Variants in FBLN1 observed in about 807,000 individuals in gnomAD.
FBLN1 encodes the protein fibulin-1.
In FBLN1, 34 loss-of-function variants were observed where a neutral mutation model predicts 89.7. The ratio of observed to expected loss-of-function variants is 0.38; its 90% CI spans 0.29 to 0.50. The LOEUF is 0.50. Among genes scored for constraint, FBLN1 ranks in the 20% least tolerant of loss-of-function variants. The pLI is 0.92. For missense variants in FBLN1, 777 were observed against 988.1 expected (o/e 0.79, Z 2.86); for synonymous variants, 393 against 391.3 (o/e 1.00, Z -0.05).
rs1372793697 is a variant in FBLN1, at chr22:45,561,269, C to T, written c.1697+10654C>T. On this transcript the variant is annotated intron_variant, in intron 14 of 16. Coordinates refer to ENST00000327858, the MANE Select transcript of FBLN1 (RefSeq NM_006486.3). This position sits in a 1 kb window ranked among gnomAD's most constrained non-coding sequence, Gnocchi z 4.7. ...AGCTCTTCCTCTACAGGAGATAAGA[C>T]TCTCACTCAGGGCAATCTTAGCAGA... Among the ~76,000 whole-genome samples, 5 of 152,196 alleles carry T rather than the reference C, an allele frequency of 3.3e-5. No homozygotes were observed. Among genetic ancestry groups the T allele is most frequent in the African/African-American group, 7.2e-5 (3 of 41,452 alleles).
In FBLN1 at chr22:45,544,027, C is replaced by T. The variant is rs547641298; in HGVS notation, c.1321+501C>T. On this transcript the variant is annotated intron_variant, in intron 11 of 16. Coordinates refer to ENST00000327858, the MANE Select transcript of FBLN1 (RefSeq NM_006486.3). ...AAAAGGAGGGAGGCTTTGTAAATGA[C>T]GAGCTGTGAGAGGAAGTACTGAGGC... Among the ~76,000 whole-genome samples, 10 of 152,000 alleles carry T rather than the reference C, an allele frequency of 6.6e-5. No homozygotes were observed. In the South Asian group the frequency reaches 8.3e-4, roughly 13 times the overall value.
At chr22:45,592,365 C>T (rs923271385) in intron 16 of FBLN1, among the ~76,000 whole-genome samples, 5 of 152,168 alleles carry the variant, frequency 3.3e-5, no homozygotes, top group African/African-American at 9.7e-5. Flanking sequence ...CTCGCTCAGT[C>T]ACCCAGGCTG....
rs1684324648 is a variant in FBLN1 at position 45,557,014 on chromosome 22, C to T, written c.1697+6399C>T. Among the ~76,000 whole-genome samples the T allele has an allele frequency of 6.6e-6, 1 of 152,170 alleles. No individual in the cohort carries two copies. Among genetic ancestry groups the T allele is most frequent in the South Asian group, 2.1e-4 (1 of 4,830 alleles). The stretch of plus-strand genomic sequence containing the variant: ...AGAGCATACATGGCCTTCTGTAGAA[C>T]TTTGTCCCAGCCCTGCAAAGTACTG... On this transcript the variant is annotated intron_variant, in intron 14 of 16. Transcript: ENST00000327858. The surrounding 1 kb of genome is among the most constrained non-coding windows in gnomAD (Gnocchi z 4.9).
intron 16 of FBLN1, among the ~76,000 whole-genome samples, chr22:45,584,206 C>T (rs183832385): frequency 2.0e-5 from 3 of 152,274 alleles, no homozygotes; most frequent in African/African-American, 7.2e-5. Flanking sequence ...GGCACAACAC[C>T]CAGGCTTTTC....
chr22:45,511,066 C>A (rs1190126951), intron 1 of FBLN1, among the ~76,000 whole-genome samples: 1 of 152,054 alleles, frequency 6.6e-6, no homozygotes, highest in African/African-American at 2.4e-5. Flanking sequence ...GATAACTTTT[C>A]CTTTTGTTTA....
intron 1 of FBLN1, among the ~76,000 whole-genome samples, chr22:45,513,576 T>C (rs926208219): frequency 4.0e-5 from 6 of 150,540 alleles, no homozygotes; most frequent in African/African-American, 1.5e-4. Context: ...TATTGTACAA[T>C]CATCACCACC....
In FBLN1 at chr22:45,568,523, A is replaced by G. The variant is rs201577617; in HGVS notation, c.1698-5988A>G. Among the ~76,000 whole-genome samples the G allele has an allele frequency of 4.6e-3, 538 of 118,200 alleles. 1 individual carries two copies. The highest frequency in any genetic ancestry group is 0.017 in the African/African-American group (361 of 21,062). 77.5% of individuals were successfully genotyped at this position (118,200 alleles called of 152,430 possible). ...AGGGGAGTGCTCCTTCTGTAGGGGA[A>G]TGCCTCTTCTGTAGGGGAATGCTCC... On this transcript the variant is annotated intron_variant, in intron 14 of 16. Transcript: ENST00000327858.
At chr22:45,541,100 G>A in intron 8 of FBLN1, 129 bp from the exon 9 acceptor site, 2 of 1,200,314 alleles carry the variant, frequency 1.7e-6, no homozygotes, top group South Asian at 1.2e-5. Context: ...TCCAGAGTGA[G>A]GGGGTTGAGC....
intron 2 of FBLN1, chr22:45,523,261 A>AG (rs2088275408): frequency 1.4e-6 from 1 of 708,084 alleles, no homozygotes; most frequent in African/African-American, 1.7e-5. Context: ...GGCCAGTCCC[A>AG]GGGAGGAAGC....
rs10648791 is a variant in FBLN1, at chr22:45,555,272, AAT to A, written c.1697+4675_1697+4676del. On this transcript the variant is annotated intron_variant, in intron 14 of 16. Coordinates refer to ENST00000327858, the MANE Select transcript of FBLN1 (RefSeq NM_006486.3). ...ACATATATATATATATATAAAATGG[AAT>A]ATATATATATATATATAAAATGGAA... 2.7e-3 allele frequency among the ~76,000 whole-genome samples: 121 copies of A among 44,570 alleles called. No homozygotes were observed. The East Asian group carries it at 0.03, about 11-fold the overall frequency. The allele number at this position is 44,570 out of a possible 152,430, so 29.2% of individuals were successfully genotyped here.
chr22:45,508,607 G>A (rs573307084), intron 1 of FBLN1, among the ~76,000 whole-genome samples: 4 of 152,156 alleles, frequency 2.6e-5, no homozygotes, highest in Admixed American at 2.0e-4. Flanking sequence ...TCTAGTTCAG[G>A]GGGGGATGCC....
At position 45,556,447 on chromosome 22, in the gene FBLN1, GT is replaced by G. The variant is rs61208738; in HGVS notation, c.1697+5844del. Among the ~76,000 whole-genome samples the G allele has an allele frequency of 5.7e-4, 83 of 145,630 alleles. No homozygotes were observed. The highest frequency in any genetic ancestry group is 2.4e-3 in the East Asian group (12 of 5,006). On this transcript the variant is annotated intron_variant, in intron 14 of 16. Coordinates refer to ENST00000327858, the MANE Select transcript of FBLN1 (RefSeq NM_006486.3). This position sits in a 1 kb window ranked among gnomAD's most constrained non-coding sequence, Gnocchi z 4.6. ...TTCAGCAAGCACCTTGGCAGATCTT[GT>G]TTTTTTTTTTTCCTGGTGGAGTGAC... is the stretch of plus-strand genomic sequence containing the variant.
intron 1 of FBLN1, among the ~76,000 whole-genome samples, chr22:45,514,613 A>T (rs1459000633): frequency 6.6e-6 from 1 of 151,958 alleles, no homozygotes; most frequent in Non-Finnish European, 1.5e-5. Flanking sequence ...GAGGAGGAGG[A>T]GGCTTGTTTG....
intron 16 of FBLN1, among the ~76,000 whole-genome samples, chr22:45,599,417 C>T (rs1601551346): frequency 6.6e-6 from 1 of 152,136 alleles, no homozygotes; most frequent in South Asian, 2.1e-4. Context: ...GCAAGGGGTC[C>T]GGAGGCATGC....
chr22:45,521,108 G>A (rs970965160), intron 2 of FBLN1, among the ~76,000 whole-genome samples: 2 of 152,204 alleles, frequency 1.3e-5, no homozygotes, highest in African/African-American at 2.4e-5. Flanking sequence ...GAGCCACTGC[G>A]CCCGGCCAAT....
At chr22:45,582,134 G>A (rs570914014) in intron 16 of FBLN1, among the ~76,000 whole-genome samples, 35 of 152,324 alleles carry the variant, frequency 2.3e-4, no homozygotes, top group Admixed American at 4.6e-4. Flanking sequence ...GGAAGTGTTC[G>A]AGGATAGGGC....
At position 45,547,076 on chromosome 22, in the gene FBLN1, G is replaced by A. The variant is rs1450622803; in HGVS notation, c.1322-9G>A. 1.2e-6 allele frequency: 2 copies of A among 1,614,048 alleles called. No homozygotes were observed. The highest frequency in any genetic ancestry group is 1.7e-5 in the Admixed American group (1 of 60,018). On this transcript the variant is annotated splice_polypyrimidine_tract_variant and intron_variant, in intron 11 of 16. Transcript: ENST00000327858. The stretch of plus-strand genomic sequence containing the variant: ...TGCTCTGAGCGGTGACCCTCGTTTT[G>A]TATTTCAGACATCAATGAGTGCAGC...
chr22:45,511,756 C>G (rs932869587), intron 1 of FBLN1, among the ~76,000 whole-genome samples: 2 of 152,086 alleles, frequency 1.3e-5, no homozygotes, highest in Non-Finnish European at 2.9e-5. Context: ...GCCTCTTCCC[C>G]CATTTTTACA....
chr22:45,521,079 G>A (rs764644456), intron 2 of FBLN1, among the ~76,000 whole-genome samples: 1 of 152,198 alleles, frequency 6.6e-6, no homozygotes, highest in Non-Finnish European at 1.5e-5. Context: ...GCCTCCTAAA[G>A]TGCTGGGATT....
Sources: gnomAD v4.1 joint callset for allele counts (sites outside exome capture counted in the v4.1 genomes callset) on GRCh38, gnomAD v4.1.1 for gene constraint, Gnocchi (gnomAD v3.1) non-coding constraint, MANE v1.5 for transcripts, NCBI Gene and HGNC (gene_info 2026-07-23, HGNC 2026-07-21) for gene names.